The following ANK3 variants were observed in gnomAD, a reference collection of about 807,000 sequenced individuals.
ANK3 encodes the protein ankyrin 3, also known as ankyrin-3.
A neutral mutation model predicts 370.9 loss-of-function variants in ANK3; 57 were observed. The ratio of observed to expected loss-of-function variants is 0.15; its 90% CI spans 0.12 to 0.19. The LOEUF (loss-of-function observed/expected upper bound fraction) is 0.19. ANK3 is among the 10% of genes least tolerant of loss of function. The probability of loss-of-function intolerance (pLI) is 1.00; values close to 1 mark genes in which losing one functional copy is unlikely to be tolerated. For synonymous variants in ANK3, 1,929 were observed against 1,946.3 expected (o/e 0.99, Z 0.23); for missense variants, 4,439 against 5,302.1 (o/e 0.84, Z 5.06).
intron 2 of ANK3, among the ~76,000 whole-genome samples, chr10:60,588,475 G>T (rs991521297): frequency 6.6e-6 from 1 of 151,518 alleles, no homozygotes; most frequent in African/African-American, 2.4e-5. Context: ...GAGCCACAAC[G>T]CCTGGCCTGT....
intron 25 of ANK3, among the ~76,000 whole-genome samples, chr10:60,129,865 GA>G (rs1362513035): frequency 6.6e-6 from 1 of 152,108 alleles, no homozygotes; most frequent in Non-Finnish European, 1.5e-5. Flanking sequence ...TCCAAGACAT[GA>G]TTTCATTTAC....
rs528246453 is a variant in ANK3, at chr10:60,162,236, T to C, written c.2614+4355A>G. ...TCTATGCAGTGTTGTTTGCAAGTAA[T>C]TGATCACAACCAGTTACAGATCTAT... On this transcript the variant is annotated intron_variant, in intron 23 of 43. Transcript: ENST00000280772. Among the ~76,000 whole-genome samples the C allele has an allele frequency of 5.9e-5, 9 of 152,268 alleles. 1 individual carries two copies. In the South Asian group the frequency reaches 1.9e-3, roughly 32 times the overall value.
chr10:60,620,533 A>G (rs953530592), intron 1 of ANK3, among the ~76,000 whole-genome samples: 1 of 152,222 alleles, frequency 6.6e-6, no homozygotes, highest in African/African-American at 2.4e-5. Context: ...AACAGAGCCT[A>G]TATCTGAACC....
intron 25 of ANK3, among the ~76,000 whole-genome samples, chr10:60,116,556 A>T (rs1401167827): frequency 6.6e-6 from 1 of 151,862 alleles, no homozygotes; most frequent in East Asian, 1.9e-4. Context: ...GAGAGAGATG[A>T]GATATTTTTA....
chr10:60,586,379 C>T (rs6479719), intron 2 of ANK3, among the ~76,000 whole-genome samples: 71,618 of 152,000 alleles, frequency 0.47, 17,285 homozygotes, highest in Middle Eastern at 0.52. Flanking sequence ...CCCAAAATTT[C>T]TATGGACCAG....
At chr10:60,517,128 G>A (rs1045612423) in intron 2 of ANK3, among the ~76,000 whole-genome samples, 22 of 152,012 alleles carry the variant, frequency 1.4e-4, no homozygotes, top group African/African-American at 4.8e-4. Context: ...GCACTGGCGC[G>A]ATCTTGGCTC....
intron 11 of ANK3, 60 bp downstream of exon 11, chr10:60,205,732 T>C: frequency 1.6e-6 from 2 of 1,265,342 alleles, no homozygotes; most frequent in Middle Eastern, 1.9e-4. Flanking sequence ...CCTGGGGCTC[T>C]GGCTGCTAAG....
At chr10:60,421,539 G>A (rs1353048266) in intron 2 of ANK3, among the ~76,000 whole-genome samples, 1 of 151,840 alleles carries the variant, frequency 6.6e-6, no homozygotes, top group African/African-American at 2.4e-5. Flanking sequence ...TCAAGTGGAG[G>A]ACAATGAGGG....
chr10:60,321,997 C>G (rs1346851186), intron 1 of ANK3, among the ~76,000 whole-genome samples: 1 of 152,112 alleles, frequency 6.6e-6, no homozygotes, highest in Non-Finnish European at 1.5e-5. Flanking sequence ...GACCTCCCTA[C>G]TTTTGTAACA....
intron 2 of ANK3, among the ~76,000 whole-genome samples, chr10:60,425,831 G>A (rs148059580): frequency 2.0e-4 from 31 of 152,250 alleles, no homozygotes; most frequent in Admixed American, 5.2e-4. Context: ...AGAAGAGGAA[G>A]TAGAATGAGT....
chr10:60,149,101 AAC>A (rs2094965800), intron 23 of ANK3, among the ~76,000 whole-genome samples: 1 of 152,208 alleles, frequency 6.6e-6, no homozygotes, highest in African/African-American at 2.4e-5. Context: ...CCTGGCAATA[AAC>A]ATCCATTTAT....
At chr10:60,353,437 C>G (rs557117987) in intron 1 of ANK3, among the ~76,000 whole-genome samples, 2 of 152,240 alleles carry the variant, frequency 1.3e-5, no homozygotes, top group East Asian at 3.9e-4. Flanking sequence ...TCCTTGGTTA[C>G]CCCTGCCTAA....
chr10:60,058,875 C>G (rs2079746050), intron 41 of ANK3, among the ~76,000 whole-genome samples: 1 of 152,280 alleles, frequency 6.6e-6, no homozygotes, highest in African/African-American at 2.4e-5. Flanking sequence ...CTGCCTCAGC[C>G]TCCTGAGTAG....
intron 8 of ANK3, among the ~76,000 whole-genome samples, chr10:60,230,890 C>T (rs764165781): frequency 1.4e-3 from 98 of 69,912 alleles, no homozygotes; most frequent in Non-Finnish European, 2.6e-3. Flanking sequence ...GAGACTCCAT[C>T]TTAAAAAAAA....
chr10:60,418,071 T>C (rs1371033014), intron 2 of ANK3, among the ~76,000 whole-genome samples: 1 of 152,168 alleles, frequency 6.6e-6, no homozygotes. Context: ...CTGTTCCTTC[T>C]CCTTCAGTTG....
intron 1 of ANK3, among the ~76,000 whole-genome samples, chr10:60,297,838 A>G (rs755352494): frequency 3.0e-4 from 45 of 152,136 alleles, no homozygotes; most frequent in Non-Finnish European, 5.7e-4. Context: ...AACAAACACT[A>G]TAATAGTCTC....
At chr10:60,610,390 GTAA>G (rs1455442245) in intron 2 of ANK3, among the ~76,000 whole-genome samples, 3 of 151,938 alleles carry the variant, frequency 2.0e-5, no homozygotes, top group Non-Finnish European at 4.4e-5. Context: ...GTGGGCACCT[GTAA>G]TCCCAGTTAC....
chr10:60,631,748 G>A (rs1280376395), intron 1 of ANK3, among the ~76,000 whole-genome samples: 1 of 152,028 alleles, frequency 6.6e-6, no homozygotes, highest in African/African-American at 2.4e-5. Context: ...TACAGATCTA[G>A]AGCAATACAT....
Position 60,483,805 on chromosome 10 carries a change from C to T in ANK3, c.96+131381G>A, listed in dbSNP as rs148275119. Among the ~76,000 whole-genome samples, 451 of 152,230 alleles carry T rather than the reference C, an allele frequency of 3.0e-3. 2 individuals are homozygous for T. Among genetic ancestry groups the T allele is most frequent in the African/African-American group, 0.01 (428 of 41,540 alleles). Reference sequence around the variant, plus strand: ...TGCTTGTCTATACCGCCGAACAAGACCTTATGAGAAGGCAAGAAGAGAGTC... The same window carrying T: ...TGCTTGTCTATACCGCCGAACAAGATCTTATGAGAAGGCAAGAAGAGAGTC... On this transcript the variant is annotated intron_variant, in intron 2 of 43. Coordinates refer to the ANK3 transcript ENST00000373827.
Sources: allele counts gnomAD v4.1 joint callset (sites outside exome capture counted in the v4.1 genomes callset), GRCh38; gene constraint gnomAD v4.1.1; transcripts MANE v1.5; gene names NCBI Gene and HGNC (gene_info 2026-07-23, HGNC 2026-07-21).